HIVEP3: variants seen among roughly 807,000 people sequenced by gnomAD.
HIVEP3 encodes HIVEP zinc finger 3.
HIVEP3 carries 49 observed loss-of-function variants against 152.8 expected under a neutral mutation model. The ratio of observed to expected loss-of-function variants is 0.32; its 90% CI spans 0.26 to 0.41. HIVEP3 has a LOEUF of 0.41. Ranked by LOEUF, HIVEP3 falls within the 10% of genes least tolerant of loss-of-function variation. The pLI is 1.00. For missense variants in HIVEP3, 2,790 were observed against 3,103.3 expected, an observed-to-expected ratio of 0.90 and a Z score of 2.40; for synonymous variants, 1,269 against 1,289.0, an observed-to-expected ratio of 0.98 and a Z score of 0.33.
At chr1:41,532,201 CG>C (rs1643280735) in intron 5 of HIVEP3, among the ~76,000 whole-genome samples, 1 of 83,638 alleles carries the variant, frequency 1.2e-5, no homozygotes, top group African/African-American at 4.9e-5. Flanking sequence ...AGATGAAGGA[CG>C]GGGAGATGGA....
chr1:41,730,689 G>T (rs756896072), intron 1 of HIVEP3, among the ~76,000 whole-genome samples: 2 of 152,246 alleles, frequency 1.3e-5, no homozygotes, highest in Non-Finnish European at 2.9e-5. Flanking sequence ...GGCCATCACA[G>T]GCCCAACGTC....
chr1:41,545,150 C>T (rs1309985142), intron 5 of HIVEP3, among the ~76,000 whole-genome samples: 6 of 110,680 alleles, frequency 5.4e-5, no homozygotes, highest in Non-Finnish European at 1.2e-4. Flanking sequence ...TCACCACCAA[C>T]ACCACCTCTA....
intron 1 of HIVEP3, among the ~76,000 whole-genome samples, chr1:41,729,515 G>A (rs538626765): frequency 7.3e-4 from 111 of 152,266 alleles, no homozygotes; most frequent in African/African-American, 2.5e-3. Context: ...CCTGATATCC[G>A]TCACTGACCT....
At chr1:41,760,334 T>G (rs1647589152) in intron 1 of HIVEP3, among the ~76,000 whole-genome samples, 1 of 152,134 alleles carries the variant, frequency 6.6e-6, no homozygotes, top group East Asian at 1.9e-4. Flanking sequence ...GGGGGACTGG[T>G]GCTCACATTT....
intron 1 of HIVEP3, among the ~76,000 whole-genome samples, chr1:42,008,680 A>G (rs1645475518): frequency 6.6e-6 from 1 of 152,198 alleles, no homozygotes; most frequent in Non-Finnish European, 1.5e-5. Flanking sequence ...GAATTCTTAC[A>G]TGTCTGAAAA....
intron 4 of HIVEP3, among the ~76,000 whole-genome samples, chr1:41,577,837 G>C (rs554595245): frequency 6.6e-6 from 1 of 152,200 alleles, no homozygotes; most frequent in East Asian, 1.9e-4. Context: ...AGACCAGAGA[G>C]AGGTGTAGTT....
In HIVEP3 at chr1:41,784,158, C is replaced by T. The variant is rs189926403; in HGVS notation, c.-800-83163G>A. Among the ~76,000 whole-genome samples the T allele has an allele frequency of 7.9e-5, 12 of 152,308 alleles. No individual in the cohort carries two copies. In the East Asian group the frequency reaches 2.3e-3, roughly 29 times the overall value. On this transcript the variant is annotated intron_variant, in intron 1 of 8. Coordinates refer to ENST00000372583, the MANE Select transcript of HIVEP3 (RefSeq NM_024503.5). ...TCCTGGGGGAAGCCCAGGGTCCCACCTCCCCTGCCCTAGAGCAGGGCTACA... is the reference window on the plus strand; with the variant it reads ...TCCTGGGGGAAGCCCAGGGTCCCACTTCCCCTGCCCTAGAGCAGGGCTACA...
At chr1:41,719,582 T>G (rs78804462) in intron 1 of HIVEP3, among the ~76,000 whole-genome samples, 2,773 of 152,322 alleles carry the variant, frequency 0.018, 64 homozygotes, top group East Asian at 0.11. Flanking sequence ...AGTCAGCTGT[T>G]GGCTGCTCCA....
In HIVEP3 at chr1:41,518,362, G is replaced by T. The variant is rs147597306; in HGVS notation, c.5470+40C>A. 2.8e-4 allele frequency: 434 copies of T among 1,550,432 alleles called. 3 individuals carry two copies. The East Asian group carries it at 9.0e-3, about 32-fold the overall frequency. ...AAGGTGGAGGAGGATAGGGAAAGCG[G>T]ACAAGGGGAAAGGGGACGGAGAAGG... On this transcript the variant is annotated intron_variant, in intron 7 of 8. Coordinates refer to ENST00000372583, the MANE Select transcript of HIVEP3 (RefSeq NM_024503.5).
intron 5 of HIVEP3, among the ~76,000 whole-genome samples, chr1:41,550,555 G>C (rs1437876009): frequency 6.6e-6 from 1 of 152,100 alleles, no homozygotes; most frequent in Non-Finnish European, 1.5e-5. Context: ...ATTGAGCAGT[G>C]GTTTCTTTGT....
chr1:41,583,786 G>A lies in HIVEP3; in HGVS notation c.1012C>T (p.Pro338Ser), dbSNP rs1328141149. 1 of 1,590,774 alleles carries A rather than the reference G, an allele frequency of 6.3e-7. No individual in the cohort carries two copies. Among genetic ancestry groups the A allele is most frequent in the Non-Finnish European group, 8.6e-7 (1 of 1,167,930 alleles). Reference sequence around the variant, plus strand: ...GATGAGGGTTCCACAAATGGAGGGGGGTCTTCGAGTGACTGGGCTGTGCTG... The same window carrying A: ...GATGAGGGTTCCACAAATGGAGGGGAGTCTTCGAGTGACTGGGCTGTGCTG... Reference protein sequence around the residue: ...QSSTAQSLEDPPPFVEPSSEH... With the variant: ...QSSTAQSLEDSPPFVEPSSEH... Residue 338 changes from proline (P) to serine (S), a missense_variant, in exon 4 of 9, where the codon CCC (proline) becomes TCC (serine). Transcript: ENST00000372583. This position sits in a 1 kb window ranked among gnomAD's most constrained non-coding sequence, Gnocchi z 6.9.
At chr1:41,638,286 AAGGAAGGAAGGAGAG>A (rs1265006396) in intron 2 of HIVEP3, among the ~76,000 whole-genome samples, 1,696 of 66,350 alleles carry the variant, frequency 0.026, 21 homozygotes, top group African/African-American at 0.046. Context: ...AAGAAAGAGG[AAGGAAGGAAGGAGAG>A]AGAAAGAAAG....
At chr1:41,917,633 G>A (rs948186002) in intron 1 of HIVEP3, among the ~76,000 whole-genome samples, 3 of 152,122 alleles carry the variant, frequency 2.0e-5, no homozygotes, top group Non-Finnish European at 4.4e-5. Flanking sequence ...TCAGCAGCCT[G>A]GACAATATCA....
chr1:41,969,049 G>A (rs948681947), intron 1 of HIVEP3, among the ~76,000 whole-genome samples: 1 of 152,178 alleles, frequency 6.6e-6, no homozygotes, highest in African/African-American at 2.4e-5. Flanking sequence ...ACTGCTCAAG[G>A]AAATCAGAGA....
At chr1:41,916,466 C>T (rs537955512) in intron 1 of HIVEP3, among the ~76,000 whole-genome samples, 1 of 152,162 alleles carries the variant, frequency 6.6e-6, no homozygotes, top group African/African-American at 2.4e-5. Context: ...GTTAACAATT[C>T]TGTATCCTGT....
intron 1 of HIVEP3, among the ~76,000 whole-genome samples, chr1:41,898,855 G>T (rs931723721): frequency 6.6e-6 from 1 of 152,218 alleles, no homozygotes; most frequent in Admixed American, 6.5e-5. Flanking sequence ...TAAGAGCGCT[G>T]GTTCCCAGGC....
At chr1:41,900,883 C>A (rs979861683) in intron 1 of HIVEP3, among the ~76,000 whole-genome samples, 1 of 151,950 alleles carries the variant, frequency 6.6e-6, no homozygotes, top group Non-Finnish European at 1.5e-5. Context: ...GTGGTGCATA[C>A]CTTGGGAAGA....
chr1:41,750,606 G>C (rs148572584), intron 1 of HIVEP3, among the ~76,000 whole-genome samples: 212 of 152,234 alleles, frequency 1.4e-3, no homozygotes, highest in Non-Finnish European at 2.8e-3. Context: ...TTAGCTTGTA[G>C]GCTTCCCACC....
Position 41,510,546 on chromosome 1 carries a change from G to C in HIVEP3, c.7126C>G (p.Pro2376Ala), listed in dbSNP as rs72669005. The change falls in exon 9 of 9, where the codon CCC becomes GCC. Residue 2376 changes from proline (P) to alanine (A), a missense_variant. Coordinates refer to ENST00000372583, the MANE Select transcript of HIVEP3 (RefSeq NM_024503.5). ...PARTRNLSGE[P>A]RTRQDSPKPS... ...TTGGGGGAGTCCTGCCTGGTCCTGG[G>C]TTCCCCGGAGAGGTTCCTCGTCCGG... is the stretch of plus-strand genomic sequence containing the variant. The C allele has an allele frequency of 6.3e-7, 1 of 1,576,532 alleles. No individual in the cohort carries two copies. Among genetic ancestry groups the C allele is most frequent in the Non-Finnish European group, 8.6e-7 (1 of 1,161,188 alleles).
Sources: gnomAD v4.1 joint callset for allele counts (sites outside exome capture counted in the v4.1 genomes callset) on GRCh38, gnomAD v4.1.1 for gene constraint, Gnocchi (gnomAD v3.1) non-coding constraint, MANE v1.5 for transcripts, NCBI Gene and HGNC (gene_info 2026-07-23, HGNC 2026-07-21) for gene names.